The following RBMS1 variants were observed in gnomAD, a reference collection of about 807,000 sequenced individuals.
The protein encoded by RBMS1 is RNA binding motif single stranded interacting protein 1.
RBMS1 carries 17 observed loss-of-function variants against 62.3 expected under a neutral mutation model. The observed-to-expected ratio is 0.27, with a 90% confidence interval of 0.19 to 0.41. The LOEUF (loss-of-function observed/expected upper bound fraction) is 0.41, where lower values mean the gene tolerates loss of function less well. Ranked by LOEUF, RBMS1 falls within the 10% of genes least tolerant of loss-of-function variation. The pLI is 1.00. For synonymous variants in RBMS1, 172 were observed against 170.0 expected, an observed-to-expected ratio of 1.01 and a Z score of -0.09; for missense variants, 334 against 504.5, an observed-to-expected ratio of 0.66 and a Z score of 3.24.
At chr2:160,287,783 T>C (rs1009744051) in intron 6 of RBMS1, among the ~76,000 whole-genome samples, 5 of 152,196 alleles carry the variant, frequency 3.3e-5, no homozygotes, top group Admixed American at 2.0e-4. Context: ...TCAGTGAAGA[T>C]GGCTGTTGTG....
At chr2:160,379,489 A>C (rs886616079) in intron 1 of RBMS1, among the ~76,000 whole-genome samples, 2 of 152,232 alleles carry the variant, frequency 1.3e-5, no homozygotes, top group Admixed American at 1.3e-4. Flanking sequence ...CTGGGAATAC[A>C]TAGGTGCCCT....
At chr2:160,319,710 T>TG (rs554003361) in intron 2 of RBMS1, among the ~76,000 whole-genome samples, 206 of 152,312 alleles carry the variant, frequency 1.4e-3, no homozygotes, top group Non-Finnish European at 2.6e-3. Context: ...TTTTAGGAAA[T>TG]GGAAGTATTT....
intron 4 of RBMS1, among the ~76,000 whole-genome samples, chr2:160,305,710 GATAT>G (rs1689466127): frequency 3.3e-5 from 5 of 152,122 alleles, no homozygotes; most frequent in African/African-American, 1.2e-4. Context: ...GCAGGGGAAT[GATAT>G]GATCAAACCC....
chr2:160,377,979 GT>G (rs1033946347), intron 1 of RBMS1, among the ~76,000 whole-genome samples: 1 of 152,160 alleles, frequency 6.6e-6, no homozygotes, highest in Non-Finnish European at 1.5e-5. Flanking sequence ...TTATTAATGA[GT>G]TTTTAAAAAC....
At chr2:160,430,663 T>G (rs1192168354) in intron 1 of RBMS1, among the ~76,000 whole-genome samples, 1 of 152,208 alleles carries the variant, frequency 6.6e-6, no homozygotes, top group Admixed American at 6.5e-5. Flanking sequence ...GTCCTACCAG[T>G]TCAAAAAGTA....
At chr2:160,458,232 G>A (rs57521870) in intron 1 of RBMS1, among the ~76,000 whole-genome samples, 33,045 of 151,998 alleles carry the variant, frequency 0.22, 3,928 homozygotes, top group African/African-American at 0.31. Flanking sequence ...CCAAAGTGCC[G>A]GGATTACAGG....
At position 160,303,428 on chromosome 2, in the gene RBMS1, C is replaced by G; in HGVS notation, c.462G>C (p.Glu154Asp). 1 of 1,613,610 alleles carries G rather than the reference C, an allele frequency of 6.2e-7. No individual in the cohort carries two copies. Among genetic ancestry groups the G allele is most frequent in the East Asian group, 2.2e-5 (1 of 44,808 alleles). The change falls in exon 5 of 14, where the codon GAG becomes GAC. Residue 154 changes from glutamate (E) to aspartate (D), a missense_variant. By Grantham distance (45) the Glu-to-Asp change is conservative (BLOSUM62 2). Transcript: ENST00000348849. The stretch of plus-strand genomic sequence containing the variant: ...GTTTGAGCATATTTTCTAGTTCTTG[C>G]TCATCCATGGAGAGTGGCAAATTAG... ...YISNLPLSMD[E>D]QELENMLKPF...
chr2:160,319,887 A>G (rs1690459931), intron 2 of RBMS1, among the ~76,000 whole-genome samples: 1 of 152,222 alleles, frequency 6.6e-6, no homozygotes, highest in Non-Finnish European at 1.5e-5. Flanking sequence ...ATGATTACTA[A>G]CTAGGCATGA....
intron 1 of RBMS1, among the ~76,000 whole-genome samples, chr2:160,385,004 CCT>C (rs1021158713): frequency 9.9e-5 from 15 of 151,984 alleles, no homozygotes; most frequent in Admixed American, 9.2e-4. Context: ...TCTCTTGCTC[CCT>C]CTCTTGCCAT....
At chr2:160,366,990 T>C (rs1200936252) in intron 2 of RBMS1, 3 of 362,650 alleles carry the variant, frequency 8.3e-6, no homozygotes, top group Admixed American at 4.5e-5. Flanking sequence ...TCAAATTCTA[T>C]TGAGAAAATG....
At chr2:160,448,061 A>G (rs956715436) in intron 1 of RBMS1, among the ~76,000 whole-genome samples, 1 of 152,200 alleles carries the variant, frequency 6.6e-6, no homozygotes, top group Admixed American at 6.5e-5. Context: ...ACAAAATCTG[A>G]TAACAGGACC....
chr2:160,367,620 A>G, intron 1 of RBMS1: 1 of 576,490 alleles, frequency 1.7e-6, no homozygotes, highest in Non-Finnish European at 2.6e-6. Context: ...TGCACCTTAA[A>G]TGTGACTAAA....
intron 1 of RBMS1, among the ~76,000 whole-genome samples, chr2:160,453,799 C>T (rs1182033716): frequency 6.6e-6 from 1 of 152,288 alleles, no homozygotes; most frequent in South Asian, 2.1e-4. Context: ...CCTTACCCAC[C>T]CTTCTTCACA....
chr2:160,445,065 A>C (rs1683586913), intron 1 of RBMS1, among the ~76,000 whole-genome samples: 1 of 152,226 alleles, frequency 6.6e-6, no homozygotes, highest in Non-Finnish European at 1.5e-5. Flanking sequence ...ATAAGGGGAG[A>C]ATCAGAAAGA....
intron 6 of RBMS1, among the ~76,000 whole-genome samples, chr2:160,288,548 AT>A (rs1415794148): frequency 1.3e-5 from 2 of 152,158 alleles, no homozygotes; most frequent in Non-Finnish European, 2.9e-5. Context: ...ATGGGTTGGA[AT>A]GCCAACTCAC....
chr2:160,311,234 A>ATATCTATATC (rs1689872158), intron 4 of RBMS1, among the ~76,000 whole-genome samples: 1 of 107,448 alleles, frequency 9.3e-6, no homozygotes, highest in African/African-American at 3.3e-5. Context: ...CTATCTATCT[A>ATATCTATATC]TATATATATA....
chr2:160,420,692 C>T (rs1236226457), intron 1 of RBMS1, among the ~76,000 whole-genome samples: 2 of 152,162 alleles, frequency 1.3e-5, no homozygotes, highest in Admixed American at 6.5e-5. Context: ...CACTGTGGCT[C>T]ACTTCTACAT....
intron 4 of RBMS1, among the ~76,000 whole-genome samples, chr2:160,305,940 G>A (rs1212068219): frequency 1.3e-5 from 2 of 152,102 alleles, no homozygotes; most frequent in East Asian, 3.9e-4. Context: ...TTTGAGACCA[G>A]CCTAGACAAC....
At chr2:160,390,001 T>C (rs1187201589) in intron 1 of RBMS1, among the ~76,000 whole-genome samples, 1 of 152,212 alleles carries the variant, frequency 6.6e-6, no homozygotes, top group East Asian at 1.9e-4. Flanking sequence ...TCTTACAGAA[T>C]TGCAGCTCTG....
Sources: gnomAD v4.1 joint callset for allele counts (sites outside exome capture counted in the v4.1 genomes callset) on GRCh38, gnomAD v4.1.1 for gene constraint, MANE v1.5 for transcripts, NCBI Gene and HGNC (gene_info 2026-07-23, HGNC 2026-07-21) for gene names.